Variants in RFC3 observed in about 807,000 individuals in gnomAD.
RFC3 encodes A1 38 kDa subunit.
In RFC3, 41 loss-of-function variants were observed where a neutral mutation model predicts 45.1. That is an observed-to-expected ratio of 0.91 (90% CI 0.71 to 1.18). RFC3 has a LOEUF of 1.18. Ranked by LOEUF, RFC3 falls within the 50% of genes most tolerant of loss-of-function variation. The probability of loss-of-function intolerance (pLI) is 0.00; values close to 1 mark genes in which losing one functional copy is unlikely to be tolerated. For synonymous variants in RFC3, 149 were observed against 144.0 expected (o/e 1.03, Z -0.25); for missense variants, 423 against 428.1 (o/e 0.99, Z 0.10).
At chr13:33,913,983 G>GGACTAA (rs368506546) in intron 8 of RFC3, among the ~76,000 whole-genome samples, 3,557 of 152,192 alleles carry the variant, frequency 0.023, 120 homozygotes, top group African/African-American at 0.082. Flanking sequence ...GTTGCTAAGT[G>GGACTAA]ATATGCTCAT....
chr13:33,937,232 C>T lies in RFC3; in HGVS notation c.880-28855C>T, dbSNP rs542187104. ...TATACAAATACTTACCATTCTGTTA[C>T]AATTGCCGATAACATTCAGTACAGT... On this transcript the variant is annotated intron_variant, in intron 8 of 8. Coordinates refer to the RFC3 transcript ENST00000434425. Among the ~76,000 whole-genome samples, 15 of 152,228 alleles carry T rather than the reference C, an allele frequency of 9.9e-5. 1 individual carries two copies. The South Asian group carries it at 2.7e-3, about 27-fold the overall frequency.
intron 8 of RFC3, chr13:33,846,399 T>G (rs1381226877): frequency 1.3e-5 from 2 of 152,264 alleles, no homozygotes; most frequent in Non-Finnish European, 1.5e-5. Context: ...ACAAAGGTCA[T>G]CCGGGAGCTA....
At chr13:33,905,870 A>G (rs1317594990) in intron 8 of RFC3, among the ~76,000 whole-genome samples, 1 of 152,122 alleles carries the variant, frequency 6.6e-6, no homozygotes, top group East Asian at 1.9e-4. Flanking sequence ...CTGACCTGAT[A>G]AGACAATCCA....
chr13:33,925,477 T>C (rs1410481112), intron 8 of RFC3, among the ~76,000 whole-genome samples: 1 of 140,576 alleles, frequency 7.1e-6, no homozygotes, highest in African/African-American at 2.7e-5. Context: ...GTGTACTATA[T>C]ACATACATAC....
Position 33,830,728 on chromosome 13 carries a change from G to T in RFC3, c.583G>T (p.Val195Leu), listed in dbSNP as rs41553716. ...PAPSIEDICH[V>L]LSTVCKKEGL... ...TTAATTTTATTTGTAGATTTGCCAC[G>T]TGTTATCTACTGTGTGTAAGAAGGA... The change falls in exon 6 of 9, where the codon GTG becomes TTG. Residue 195 changes from valine to leucine, a missense_variant. Physicochemically the swap from Val to Leu is conservative, Grantham distance 32. Transcript: ENST00000380071. The T allele has an allele frequency of 1.9e-6, 3 of 1,602,444 alleles. No homozygotes were observed. Among genetic ancestry groups the T allele is most frequent in the Middle Eastern group, 1.7e-4 (1 of 5,964 alleles).
the RFC3 span, among the ~76,000 whole-genome samples, chr13:33,977,109 C>T: frequency 1.3e-3 from 201 of 152,236 alleles, no homozygotes; most frequent in African/African-American, 4.7e-3. Context: ...TTCCTCAAAA[C>T]TGTCAAGGTC....
intron 8 of RFC3, among the ~76,000 whole-genome samples, chr13:33,937,154 G>A (rs2082891850): frequency 6.6e-6 from 1 of 152,118 alleles, no homozygotes; most frequent in Non-Finnish European, 1.5e-5. Context: ...CGCCCCATAA[G>A]ATTACAATAC....
chr13:33,938,884 G>A (rs1217108945), intron 8 of RFC3, among the ~76,000 whole-genome samples: 3 of 152,172 alleles, frequency 2.0e-5, no homozygotes, highest in East Asian at 3.8e-4. Flanking sequence ...AACTGGCAGT[G>A]TAATAAGCTC....
chr13:33,927,675 C>T (rs533600490), intron 8 of RFC3, among the ~76,000 whole-genome samples: 4 of 152,062 alleles, frequency 2.6e-5, no homozygotes, highest in East Asian at 1.9e-4. Flanking sequence ...GAGTTTGACA[C>T]GAGTGACTCT....
intron 8 of RFC3, among the ~76,000 whole-genome samples, chr13:33,903,416 T>C (rs902728106): frequency 2.0e-5 from 3 of 152,134 alleles, no homozygotes; most frequent in African/African-American, 4.8e-5. Flanking sequence ...CAATGTAATA[T>C]AACTCGTGAT....
At chr13:33,846,786 A>G (rs1322047709) in intron 8 of RFC3, 1 of 152,114 alleles carries the variant, frequency 6.6e-6, no homozygotes, top group Non-Finnish European at 1.5e-5. Context: ...GTTTCTGCCC[A>G]CTGGGATAGA....
intron 8 of RFC3, among the ~76,000 whole-genome samples, chr13:33,900,443 T>C (rs2082632941): frequency 6.6e-6 from 1 of 151,896 alleles, no homozygotes; most frequent in African/African-American, 2.4e-5. Context: ...GATAGTCTCT[T>C]CAATAAATGG....
chr13:33,974,755 G>A, the RFC3 span, among the ~76,000 whole-genome samples: 3 of 152,080 alleles, frequency 2.0e-5, no homozygotes, highest in African/African-American at 7.2e-5. Context: ...AGAAATAAAG[G>A]TGCCAAATAA....
chr13:33,967,166 A>T (rs577658538), downstream of RFC3, among the ~76,000 whole-genome samples: 55 of 150,842 alleles, frequency 3.6e-4, no homozygotes, highest in South Asian at 4.0e-3. Flanking sequence ...TTAAAAAATT[A>T]AAAAAAAAAT....
At chr13:33,896,039 G>A (rs544119588) in intron 8 of RFC3, among the ~76,000 whole-genome samples, 40 of 152,014 alleles carry the variant, frequency 2.6e-4, no homozygotes, top group Non-Finnish European at 5.0e-4. Context: ...GGAATAAAAA[G>A]CTACATATTG....
chr13:33,948,205 A>G (rs781760878), intron 8 of RFC3, among the ~76,000 whole-genome samples: 1 of 152,176 alleles, frequency 6.6e-6, no homozygotes, highest in Non-Finnish European at 1.5e-5. Flanking sequence ...CCTGTGTCCC[A>G]GCTGCTTCAG....
chr13:33,964,928 T>C (rs2083078392), intron 8 of RFC3, among the ~76,000 whole-genome samples: 1 of 151,960 alleles, frequency 6.6e-6, no homozygotes, highest in Non-Finnish European at 1.5e-5. Context: ...GAGGAGGGAG[T>C]GTAAACCTGG....
chr13:33,830,018 G>T lies in RFC3; in HGVS notation c.573+1G>T, dbSNP rs746936850. ...TGTGCCTGCTCCCAGCATTGAAGAT[G>T]TAGGTCAAGTTACACTTTTCTGAAA... On this transcript the variant is annotated splice_donor_variant, in intron 5 of 8. Transcript: ENST00000380071. LOFTEE classifies it high-confidence loss of function. 2 of 1,612,520 alleles carry T rather than the reference G, an allele frequency of 1.2e-6. No individual in the cohort carries two copies. The highest frequency in any genetic ancestry group is 2.7e-5 in the African/African-American group (2 of 74,868).
intron 8 of RFC3, among the ~76,000 whole-genome samples, chr13:33,858,148 T>G (rs1413489831): frequency 6.6e-6 from 1 of 152,214 alleles, no homozygotes; most frequent in Non-Finnish European, 1.5e-5. Flanking sequence ...CATTATTTTA[T>G]GGATGACCAG....
Sources: gnomAD v4.1 joint callset for allele counts (sites outside exome capture counted in the v4.1 genomes callset) on GRCh38, gnomAD v4.1.1 for gene constraint, MANE v1.5 for transcripts, NCBI Gene and HGNC (gene_info 2026-07-23, HGNC 2026-07-21) for gene names.